SHISAL1: variants seen among roughly 807,000 people sequenced by gnomAD.
SHISAL1 encodes the protein protein shisa-like-1.
Under a neutral mutation model 22.6 loss-of-function variants are expected in SHISAL1, and 9 were observed. The ratio of observed to expected loss-of-function variants is 0.40; its 90% CI spans 0.24 to 0.70. The LOEUF (loss-of-function observed/expected upper bound fraction) is 0.70, where lower values mean the gene tolerates loss of function less well. Among genes scored for constraint, SHISAL1 ranks in the 30% least tolerant of loss-of-function variants. The probability of loss-of-function intolerance (pLI) is 0.39; values close to 1 mark genes in which losing one functional copy is unlikely to be tolerated. For synonymous variants in SHISAL1, 119 were observed against 115.4 expected, an observed-to-expected ratio of 1.03 and a Z score of -0.20; for missense variants, 246 against 270.6, an observed-to-expected ratio of 0.91 and a Z score of 0.64.
At chr22:44,320,161 G>A in the SHISAL1 span, among the ~76,000 whole-genome samples, 1 of 152,222 alleles carries the variant, frequency 6.6e-6, no homozygotes, top group Admixed American at 6.5e-5. Context: ...ACTAGGCAGA[G>A]ACACCTTAAC....
chr22:44,318,818 G>A, the SHISAL1 span, among the ~76,000 whole-genome samples: 11 of 152,218 alleles, frequency 7.2e-5, no homozygotes, highest in South Asian at 8.3e-4. Context: ...CATGACCCTC[G>A]GGTGAGGACA....
chr22:44,252,696 T>C (rs1275631835), intron 4 of SHISAL1, among the ~76,000 whole-genome samples: 1 of 149,588 alleles, frequency 6.7e-6, no homozygotes, highest in Admixed American at 6.6e-5. Flanking sequence ...CAAGGTTTCA[T>C]AGAAAAGGAT....
At chr22:44,280,122 G>C (rs984320577) in intron 4 of SHISAL1, among the ~76,000 whole-genome samples, 20 of 152,158 alleles carry the variant, frequency 1.3e-4, no homozygotes, top group Admixed American at 1.2e-3. Flanking sequence ...GGTTTTGAAG[G>C]ATGAATAGGA....
chr22:44,315,285 C>G (rs184245016), upstream of SHISAL1, among the ~76,000 whole-genome samples: 1 of 152,036 alleles, frequency 6.6e-6, no homozygotes, highest in African/African-American at 2.4e-5. Flanking sequence ...ATTACAGTAC[C>G]CCCCAGCCCC....
intron 3 of SHISAL1, among the ~76,000 whole-genome samples, chr22:44,290,203 C>T (rs1015630249): frequency 2.0e-5 from 3 of 152,170 alleles, no homozygotes; most frequent in Admixed American, 6.5e-5. Context: ...GGAAGATGGC[C>T]GATGGCCCCT....
chr22:44,289,043 G>C (rs2055335118), intron 3 of SHISAL1, among the ~76,000 whole-genome samples: 1 of 152,224 alleles, frequency 6.6e-6, no homozygotes, highest in Non-Finnish European at 1.5e-5. Context: ...TGGCTGCTTT[G>C]ATACTAACTT....
rs114812439 is a variant in SHISAL1 at position 44,304,433 on chromosome 22, T to A, written c.-32-3456A>T. Reference sequence around the variant, plus strand: ...AGGTGCTGACCTTGTGAAGTCTGGTTTGCCAGAACAAGGGAAGGGACTATC... The same window carrying A: ...AGGTGCTGACCTTGTGAAGTCTGGTATGCCAGAACAAGGGAAGGGACTATC... On this transcript the variant is annotated intron_variant, in intron 1 of 4. Coordinates refer to ENST00000381176, the MANE Select transcript of SHISAL1 (RefSeq NM_001099294.2). Among the ~76,000 whole-genome samples the A allele has an allele frequency of 3.2e-3, 491 of 152,340 alleles. 1 individual carries two copies. The highest frequency in any genetic ancestry group is 0.011 in the African/African-American group (450 of 41,572).
the SHISAL1 span, among the ~76,000 whole-genome samples, chr22:44,324,436 C>T: frequency 1.3e-5 from 2 of 152,204 alleles, no homozygotes; most frequent in Non-Finnish European, 2.9e-5. Context: ...TGGGGATGAG[C>T]AGATTTGGTT....
intron 3 of SHISAL1, among the ~76,000 whole-genome samples, chr22:44,293,616 C>T (rs2055367603): frequency 6.6e-6 from 1 of 152,094 alleles, no homozygotes; most frequent in South Asian, 2.1e-4. Flanking sequence ...AAAGTGATTC[C>T]AGCCCATCTG....
At chr22:44,317,956 C>G in the SHISAL1 span, among the ~76,000 whole-genome samples, 1 of 152,264 alleles carries the variant, frequency 6.6e-6, no homozygotes, top group Non-Finnish European at 1.5e-5. Context: ...TCTGACCTTC[C>G]CGAGCTGGGC....
intron 4 of SHISAL1, among the ~76,000 whole-genome samples, chr22:44,265,413 C>T (rs2055155192): frequency 6.6e-6 from 1 of 152,130 alleles, no homozygotes; most frequent in African/African-American, 2.4e-5. Context: ...ACTGACACCC[C>T]CAGCCAACAC....
intron 1 of SHISAL1, among the ~76,000 whole-genome samples, chr22:44,302,358 A>T (rs2055436841): frequency 6.8e-6 from 1 of 145,990 alleles, no homozygotes; most frequent in African/African-American, 2.5e-5. Flanking sequence ...AAAAAAAAAA[A>T]AGGAGCGGGG....
chr22:44,320,199 G>A, the SHISAL1 span, among the ~76,000 whole-genome samples: 1 of 152,350 alleles, frequency 6.6e-6, no homozygotes, highest in Middle Eastern at 3.4e-3. Context: ...TTGTCTGGCA[G>A]TGTGGGAGAG....
At chr22:44,276,798 T>C (rs916639707) in intron 4 of SHISAL1, among the ~76,000 whole-genome samples, 1 of 151,572 alleles carries the variant, frequency 6.6e-6, no homozygotes, top group Non-Finnish European at 1.5e-5. Flanking sequence ...GTGGACAGGA[T>C]TGGAGCTGTG....
In SHISAL1 at chr22:44,300,900, A is replaced by G; in HGVS notation, c.46T>C (p.Phe16Leu). 6.2e-7 allele frequency: 1 copy of G among 1,614,166 alleles called. No homozygotes were observed. The highest frequency in any genetic ancestry group is 2.2e-5 in the East Asian group (1 of 44,880). The change falls in exon 2 of 5, where the codon TTC (phenylalanine) becomes CTC (leucine). Residue 16 changes from phenylalanine (F) to leucine (L), a missense_variant. Coordinates refer to ENST00000381176, the MANE Select transcript of SHISAL1 (RefSeq NM_001099294.2). ...QQSLNVLAVLFSLLFSAVLSA... is the reference protein window; with the variant it reads ...QQSLNVLAVLLSLLFSAVLSA... ...TTACCTGCAGAAAACAGCAATGAGAAGAGGACGGCGAGCACGTTCAAGGAC... is the reference window on the plus strand; with the variant it reads ...TTACCTGCAGAAAACAGCAATGAGAGGAGGACGGCGAGCACGTTCAAGGAC...
the SHISAL1 span, among the ~76,000 whole-genome samples, chr22:44,323,304 A>G: frequency 7.4e-6 from 1 of 135,644 alleles, no homozygotes; most frequent in Non-Finnish European, 1.6e-5. Context: ...CCACCCATTC[A>G]TCCATCCATC....
rs2054986223 is a variant in SHISAL1 at position 44,244,965 on chromosome 22, T to C, written c.*4720A>G. 6.6e-6 allele frequency: 1 copy of C among 152,252 alleles called. No homozygotes were observed. The highest frequency in any genetic ancestry group is 1.5e-5 in the Non-Finnish European group (1 of 68,058). The allele number at this position is 152,252 out of a possible 1,614,324, so 9.4% of individuals were successfully genotyped here. A position where few individuals can be genotyped will look rare whatever the true frequency, so the allele number is the denominator to read the frequency against. On this transcript the variant is annotated 3_prime_UTR_variant, in exon 5 of 5. Coordinates refer to ENST00000381176, the MANE Select transcript of SHISAL1 (RefSeq NM_001099294.2). ...CAGCAAGGAACTAGGGCACTGTGCA[T>C]GGCATCTGGCACATAGTAAGTGCGC... is the stretch of plus-strand genomic sequence containing the variant.
intron 1 of SHISAL1, among the ~76,000 whole-genome samples, chr22:44,306,569 C>T (rs1407989624): frequency 2.9e-5 from 1 of 34,680 alleles, no homozygotes; most frequent in Non-Finnish European, 6.7e-5. Context: ...GAACTGAGCT[C>T]GGGGAGCTGT....
intron 1 of SHISAL1, among the ~76,000 whole-genome samples, chr22:44,303,622 C>A (rs12163406): frequency 6.6e-6 from 1 of 152,154 alleles, no homozygotes; most frequent in South Asian, 2.1e-4. Context: ...CAGGCTGAGA[C>A]AGTAAATTCC....
Sources: allele counts gnomAD v4.1 joint callset (sites outside exome capture counted in the v4.1 genomes callset), GRCh38; gene constraint gnomAD v4.1.1; transcripts MANE v1.5; gene names NCBI Gene and HGNC (gene_info 2026-07-23, HGNC 2026-07-21).